The following IQSEC3 variants were observed in gnomAD, a reference collection of about 807,000 sequenced individuals.
IQSEC3 encodes IQ motif and Sec7 domain ArfGEF 3.
IQSEC3 carries 50 observed loss-of-function variants against 105.4 expected under a neutral mutation model. The ratio of observed to expected loss-of-function variants is 0.47; its 90% CI spans 0.38 to 0.60. The LOEUF (loss-of-function observed/expected upper bound fraction) is 0.60, where lower values mean the gene tolerates loss of function less well. Ranked by LOEUF, IQSEC3 falls within the 20% of genes least tolerant of loss-of-function variation. The pLI is 0.00. For missense variants in IQSEC3, 1,415 were observed against 1,630.0 expected, an observed-to-expected ratio of 0.87 and a Z score of 2.27; for synonymous variants, 708 against 746.0, an observed-to-expected ratio of 0.95 and a Z score of 0.83.
intron 1 of IQSEC3, among the ~76,000 whole-genome samples, chr12:84,104 T>A (rs868986801): frequency 4.6e-5 from 7 of 152,204 alleles, no homozygotes; most frequent in African/African-American, 1.4e-4. Context: ...CCCTGTGGTG[T>A]GGGAAGTGCT....
Position 161,879 on chromosome 12 carries a change from C to T in IQSEC3, c.2444-47C>T, listed in dbSNP as rs1555096332. On this transcript the variant is annotated intron_variant, in intron 7 of 13. Coordinates refer to ENST00000538872, the MANE Select transcript of IQSEC3 (RefSeq NM_001170738.2). ...CTGTCTGGCTCCAGGGCTCTGACAC[C>T]CTCCCTCCCAACCCCACCACCACCC... The T allele has an allele frequency of 4.0e-6, 6 of 1,484,026 alleles. No individual in the cohort carries two copies. In the South Asian group the frequency reaches 7.4e-5, roughly 18 times the overall value. 91.9% of individuals were successfully genotyped at this position (1,484,026 alleles called of 1,614,324 possible).
At chr12:147,874 T>G (rs962856007) in intron 5 of IQSEC3, 1 of 152,194 alleles carries the variant, frequency 6.6e-6, no homozygotes, top group African/African-American at 2.4e-5. Flanking sequence ...CTCTGGTGCA[T>G]GTATATCTTA....
intron 2 of IQSEC3, among the ~76,000 whole-genome samples, chr12:121,569 C>T (rs1555081943): frequency 1.3e-5 from 2 of 152,162 alleles, no homozygotes; most frequent in Non-Finnish European, 2.9e-5. Flanking sequence ...GTTTGCTGCT[C>T]CAGTGGCTGG....
chr12:150,111 G>C (rs1181918676), intron 5 of IQSEC3, among the ~76,000 whole-genome samples: 1 of 152,164 alleles, frequency 6.6e-6, no homozygotes, highest in Non-Finnish European at 1.5e-5. Flanking sequence ...GGCATGGGGA[G>C]GGGAGAAGTT....
chr12:162,846 G>A (rs373189886), intron 8 of IQSEC3, among the ~76,000 whole-genome samples: 12 of 152,288 alleles, frequency 7.9e-5, no homozygotes, highest in African/African-American at 2.6e-4. Context: ...AAAGGGTGGA[G>A]GTGTCATATC....
At chr12:104,625 C>T (rs1555077395) in intron 2 of IQSEC3, among the ~76,000 whole-genome samples, 2 of 152,232 alleles carry the variant, frequency 1.3e-5, no homozygotes, top group Non-Finnish European at 2.9e-5. Context: ...CCTTAGAGGC[C>T]TCCTACCCTA....
intron 3 of IQSEC3, among the ~76,000 whole-genome samples, chr12:136,345 T>C (rs1555086387): frequency 6.6e-6 from 1 of 152,028 alleles, no homozygotes; most frequent in Non-Finnish European, 1.5e-5. Context: ...TCCTTGGGGA[T>C]TGGGGTTGAA....
Position 165,411 on chromosome 12 carries a change from G to C in IQSEC3, c.2710-23G>C, listed in dbSNP as rs556666025. The C allele has an allele frequency of 1.3e-5, 20 of 1,588,180 alleles. No homozygotes were observed. In the East Asian group the frequency reaches 4.0e-4, roughly 32 times the overall value. ...CGTGAGTGTCTGTTCATCAGGGCAT[G>C]CCTGTTTCCCTCTCCTGAACAGATT... On this transcript the variant is annotated intron_variant, in intron 9 of 13. Transcript: ENST00000538872.
At chr12:81,219 G>T (rs1555070653) in intron 1 of IQSEC3, among the ~76,000 whole-genome samples, 3 of 152,182 alleles carry the variant, frequency 2.0e-5, no homozygotes, top group Non-Finnish European at 2.9e-5. Context: ...ACACAGTGAA[G>T]AATTTTCCTG....
chr12:95,284 C>T (rs1555074481), intron 1 of IQSEC3, among the ~76,000 whole-genome samples: 1 of 152,100 alleles, frequency 6.6e-6, no homozygotes, highest in African/African-American at 2.4e-5. Flanking sequence ...CTTTATTGCC[C>T]TTTAAAAAAT....
intron 1 of IQSEC3, among the ~76,000 whole-genome samples, chr12:68,945 A>C (rs1296334463): frequency 1.3e-5 from 2 of 152,150 alleles, no homozygotes; most frequent in Non-Finnish European, 2.9e-5. Context: ...AACTCCCTCA[A>C]AACCCCTTTG....
intron 1 of IQSEC3, among the ~76,000 whole-genome samples, chr12:69,992 C>G (rs560762935): frequency 9.8e-5 from 15 of 152,374 alleles, no homozygotes; most frequent in South Asian, 6.2e-4. Context: ...TCCTGGGGAG[C>G]TCCCCGCAGA....
chr12:95,457 A>C (rs1864216392), intron 1 of IQSEC3, among the ~76,000 whole-genome samples: 1 of 152,170 alleles, frequency 6.6e-6, no homozygotes, highest in African/African-American at 2.4e-5. Context: ...TCCAGCTCTT[A>C]TCTAGGTTCA....
Position 174,593 on chromosome 12 carries a change from A to G in IQSEC3, c.3115-6A>G. On this transcript the variant is annotated splice_region_variant and splice_polypyrimidine_tract_variant and intron_variant, in intron 13 of 13. Coordinates refer to ENST00000538872, the MANE Select transcript of IQSEC3 (RefSeq NM_001170738.2). ...TTTCATGCTTCTCTGGCTGTTTCTA[A>G]ACTAGGTGTCAATTCACAACAGGCT... 2.0e-6 allele frequency: 3 copies of G among 1,525,806 alleles called. No homozygotes were observed. Among genetic ancestry groups the G allele is most frequent in the Non-Finnish European group, 2.6e-6 (3 of 1,141,870 alleles). The allele number at this position is 1,525,806 out of a possible 1,614,324, so 94.5% of individuals were successfully genotyped here. A position where few individuals can be genotyped will look rare whatever the true frequency, so the allele number is the denominator to read the frequency against.
intron 3 of IQSEC3, among the ~76,000 whole-genome samples, chr12:135,034 G>C (rs1865717443): frequency 6.6e-6 from 1 of 152,234 alleles, no homozygotes; most frequent in African/African-American, 2.4e-5. Flanking sequence ...GGAGGCTGAG[G>C]CAGGAGAATC....
chr12:174,380 C>T (rs898667462), intron 13 of IQSEC3, among the ~76,000 whole-genome samples: 12 of 152,282 alleles, frequency 7.9e-5, no homozygotes, highest in African/African-American at 2.6e-4. Flanking sequence ...ACACTGCTCA[C>T]AGTCAGTGGC....
intron 12 of IQSEC3, among the ~76,000 whole-genome samples, chr12:169,908 G>T (rs1938880392): frequency 6.6e-6 from 1 of 152,202 alleles, no homozygotes; most frequent in African/African-American, 2.4e-5. Context: ...TTCTCGAATG[G>T]CTGCTGCCCT....
At chr12:89,847 T>A (rs970413930) in intron 1 of IQSEC3, among the ~76,000 whole-genome samples, 6 of 152,370 alleles carry the variant, frequency 3.9e-5, no homozygotes, top group Non-Finnish European at 8.8e-5. Context: ...TGCCAGTTAG[T>A]GGACATTTAC....
chr12:132,277 G>A (rs914016603), intron 3 of IQSEC3, among the ~76,000 whole-genome samples: 4 of 152,278 alleles, frequency 2.6e-5, no homozygotes, highest in Middle Eastern at 6.8e-3. Flanking sequence ...TCGTGGGGGC[G>A]GTCGGGGGAG....
Sources: allele counts gnomAD v4.1 joint callset (sites outside exome capture counted in the v4.1 genomes callset), GRCh38; gene constraint gnomAD v4.1.1; transcripts MANE v1.5; gene names NCBI Gene and HGNC (gene_info 2026-07-23, HGNC 2026-07-21).